SH3GL3: variants seen among roughly 807,000 people sequenced by gnomAD.
The protein encoded by SH3GL3 is SH3 domain containing GRB2 like 3, endophilin A3.
In SH3GL3, 33 loss-of-function variants were observed where a neutral mutation model predicts 47.7. That is an observed-to-expected ratio of 0.69 (90% CI 0.52 to 0.92). The LOEUF (loss-of-function observed/expected upper bound fraction) is 0.92, where lower values mean the gene tolerates loss of function less well. Among genes scored for constraint, SH3GL3 ranks in the 40% least tolerant of loss-of-function variants. The pLI is 0.00. For missense variants in SH3GL3, 363 were observed against 417.8 expected, an observed-to-expected ratio of 0.87 and a Z score of 1.14; for synonymous variants, 155 against 148.8, an observed-to-expected ratio of 1.04 and a Z score of -0.30.
intron 8 of SH3GL3, chr15:83,609,373 G>C: frequency 2.2e-6 from 1 of 450,452 alleles, no homozygotes; most frequent in South Asian, 1.6e-5. Flanking sequence ...GACTACAAGG[G>C]AGGCAAGAGA....
At chr15:83,465,199 AC>A (rs1349381606) in intron 1 of SH3GL3, among the ~76,000 whole-genome samples, 1 of 151,572 alleles carries the variant, frequency 6.6e-6, no homozygotes, top group Non-Finnish European at 1.5e-5. Context: ...AATCTCAGCT[AC>A]TCTAGAGGCT....
At chr15:83,501,853 C>T (rs1447436880) in intron 1 of SH3GL3, among the ~76,000 whole-genome samples, 7 of 151,848 alleles carry the variant, frequency 4.6e-5, no homozygotes, top group African/African-American at 1.4e-4. Context: ...ATCATGCCAC[C>T]GCACTCCAGC....
chr15:83,475,982 G>A, intron 1 of SH3GL3, among the ~76,000 whole-genome samples: 1 of 152,112 alleles, frequency 6.6e-6, no homozygotes, highest in African/African-American at 2.4e-5. Context: ...ACCATTACGT[G>A]AGTATTGATC....
the SH3GL3 span, among the ~76,000 whole-genome samples, chr15:83,631,023 A>G: frequency 1.3e-5 from 2 of 152,208 alleles, no homozygotes; most frequent in African/African-American, 4.8e-5. Context: ...GGGTATAGGC[A>G]TTGGGTAAAT....
At chr15:83,582,672 G>A (rs557178032) in intron 6 of SH3GL3, among the ~76,000 whole-genome samples, 16 of 152,306 alleles carry the variant, frequency 1.1e-4, no homozygotes, top group African/African-American at 3.1e-4. Context: ...GGACTGTAAT[G>A]TGTGGAATAA....
At chr15:83,597,216 C>T (rs1178471414) in intron 8 of SH3GL3, among the ~76,000 whole-genome samples, 2 of 152,194 alleles carry the variant, frequency 1.3e-5, no homozygotes, top group East Asian at 1.9e-4. Context: ...CCCCTTGCTC[C>T]AGCTTCCCAG....
chr15:83,512,980 A>G (rs893679457), intron 1 of SH3GL3, among the ~76,000 whole-genome samples: 1 of 152,220 alleles, frequency 6.6e-6, no homozygotes, highest in Non-Finnish European at 1.5e-5. Flanking sequence ...ATATATTTAC[A>G]TAGGTCTCAT....
chr15:83,495,581 A>G (rs2042045407), intron 1 of SH3GL3, among the ~76,000 whole-genome samples: 1 of 152,110 alleles, frequency 6.6e-6, no homozygotes, highest in Non-Finnish European at 1.5e-5. Flanking sequence ...CCAAAAATAC[A>G]AAGAAGTTAG....
intron 1 of SH3GL3, among the ~76,000 whole-genome samples, chr15:83,502,480 A>G (rs747075929): frequency 6.6e-6 from 1 of 152,238 alleles, no homozygotes; most frequent in Non-Finnish European, 1.5e-5. Flanking sequence ...AATGCCTTGT[A>G]TCTGTGACTT....
At chr15:83,570,393 T>C (rs2045758559) in intron 4 of SH3GL3, among the ~76,000 whole-genome samples, 1 of 152,212 alleles carries the variant, frequency 6.6e-6, no homozygotes, top group African/African-American at 2.4e-5. Flanking sequence ...TTTTAAGTAT[T>C]GAAGTTTTAA....
chr15:83,554,683 G>A (rs565214141), intron 1 of SH3GL3, among the ~76,000 whole-genome samples: 231 of 152,274 alleles, frequency 1.5e-3, no homozygotes, highest in Non-Finnish European at 2.3e-3. Flanking sequence ...CTGTAATCCC[G>A]TGCCTAGCCG....
chr15:83,489,942 A>C (rs1029018169), intron 1 of SH3GL3, among the ~76,000 whole-genome samples: 2 of 152,200 alleles, frequency 1.3e-5, no homozygotes, highest in African/African-American at 4.8e-5. Context: ...TAGATGACAG[A>C]TAGATGATAG....
intron 5 of SH3GL3, among the ~76,000 whole-genome samples, chr15:83,573,849 C>A (rs1213892684): frequency 6.6e-6 from 1 of 152,224 alleles, no homozygotes; most frequent in Non-Finnish European, 1.5e-5. Context: ...TAAACAAGAC[C>A]TGGTGCATGC....
intron 1 of SH3GL3, among the ~76,000 whole-genome samples, chr15:83,462,461 C>G (rs989211996): frequency 1.3e-5 from 2 of 152,156 alleles, no homozygotes; most frequent in African/African-American, 4.8e-5. Context: ...TCATATTGTA[C>G]TAGTGGGCCC....
chr15:83,625,928 G>A, the SH3GL3 span, among the ~76,000 whole-genome samples: 1 of 152,106 alleles, frequency 6.6e-6, no homozygotes, highest in African/African-American at 2.4e-5. Context: ...TGCCTCCTGG[G>A]TTCAAACGAT....
intron 1 of SH3GL3, among the ~76,000 whole-genome samples, chr15:83,538,425 T>C (rs1165161281): frequency 6.6e-6 from 1 of 152,238 alleles, no homozygotes; most frequent in Non-Finnish European, 1.5e-5. Context: ...TACAGTATGA[T>C]GTATTTTAAC....
At position 83,447,363 on chromosome 15, in the gene SH3GL3, CGT is replaced by C. The variant is rs2039485668; in HGVS notation, c.-165_-164del. On this transcript the variant is annotated 5_prime_UTR_variant, in exon 1 of 9. Coordinates refer to ENST00000427482, the MANE Select transcript of SH3GL3 (RefSeq NM_003027.5). The surrounding 1 kb of genome is among the most constrained non-coding windows in gnomAD (Gnocchi z 5.1). ...CGCAGTGTTGCCATCGGCGTGCGCG[CGT>C]GTGTGCGAGTGTGACAGCGGCTGTG... The C allele has an allele frequency of 2.6e-6, 1 of 381,328 alleles. No homozygotes were observed. The highest frequency in any genetic ancestry group is 4.7e-6 in the Non-Finnish European group (1 of 213,146). The allele number at this position is 381,328 out of a possible 1,614,324, so 23.6% of individuals were successfully genotyped here.
Position 83,611,907 on chromosome 15 carries a change from C to T in SH3GL3, c.839-6175C>T, listed in dbSNP as rs183980441. Among the ~76,000 whole-genome samples, 14 of 132,228 alleles carry T rather than the reference C, an allele frequency of 1.1e-4. 3 individuals carry two copies. The East Asian group carries it at 4.4e-3, about 42-fold the overall frequency. The allele number at this position is 132,228 out of a possible 152,430, so 86.7% of individuals were successfully genotyped here. On this transcript the variant is annotated intron_variant, in intron 8 of 8. Transcript: ENST00000427482. ...GAAAATTCACACACTGTCCCTCAGG[C>T]GGGCAGCAACTTAATTTCTCTTTAG...
intron 1 of SH3GL3, among the ~76,000 whole-genome samples, chr15:83,523,720 T>C (rs2043299775): frequency 6.6e-6 from 1 of 152,150 alleles, no homozygotes; most frequent in South Asian, 2.1e-4. Context: ...TTTTTCTGTC[T>C]CTGTCTTCCT....
Sources: allele counts gnomAD v4.1 joint callset (sites outside exome capture counted in the v4.1 genomes callset), GRCh38; gene constraint gnomAD v4.1.1; non-coding constraint Gnocchi (gnomAD v3.1); transcripts MANE v1.5; gene names NCBI Gene and HGNC (gene_info 2026-07-23, HGNC 2026-07-21).